Variants in CSMD1 observed in about 807,000 individuals in gnomAD.
The protein encoded by CSMD1 is CUB and sushi domain-containing protein 1.
CSMD1 carries 213 observed loss-of-function variants against 417.5 expected under a neutral mutation model. The ratio of observed to expected loss-of-function variants is 0.51; its 90% CI spans 0.46 to 0.57. CSMD1 has a LOEUF of 0.57. Ranked by LOEUF, CSMD1 falls within the 20% of genes least tolerant of loss-of-function variation. The probability of loss-of-function intolerance (pLI) is 0.00; values close to 1 mark genes in which losing one functional copy is unlikely to be tolerated. For missense variants in CSMD1, 6,923 were observed against 4,529.7 expected (o/e 1.53, Z -15.17); for synonymous variants, 2,862 against 1,736.8 (o/e 1.65, Z -16.11).
chr8:3,331,718 G>T (rs574418927), intron 23 of CSMD1, among the ~76,000 whole-genome samples: 2 of 152,136 alleles, frequency 1.3e-5, no homozygotes, highest in South Asian at 2.1e-4. Context: ...TTTCTCTTGC[G>T]TATGTACCTG....
At chr8:4,967,152 T>C (rs557114319) in intron 1 of CSMD1, among the ~76,000 whole-genome samples, 48 of 152,298 alleles carry the variant, frequency 3.2e-4, no homozygotes, top group African/African-American at 1.0e-3. Flanking sequence ...AGACTCCTTG[T>C]ATTCGGAAAA....
chr8:3,916,982 TG>T (rs1317335890), intron 5 of CSMD1, among the ~76,000 whole-genome samples: 3 of 152,242 alleles, frequency 2.0e-5, no homozygotes, highest in Non-Finnish European at 4.4e-5. Context: ...TGAGGCAAAA[TG>T]GTGAAACTCC....
intron 5 of CSMD1, among the ~76,000 whole-genome samples, chr8:3,872,873 G>A (rs1007799879): frequency 6.7e-6 from 1 of 150,190 alleles, no homozygotes; most frequent in African/African-American, 2.4e-5. Flanking sequence ...GAAAACAGCT[G>A]CATTAAAAAG....
chr8:4,684,943 C>G (rs376489562), intron 1 of CSMD1, among the ~76,000 whole-genome samples: 6 of 152,066 alleles, frequency 3.9e-5, no homozygotes, highest in African/African-American at 1.4e-4. Context: ...ACATTTGCTC[C>G]CAATTGCTGA....
At chr8:3,709,831 T>G (rs539962254) in intron 6 of CSMD1, among the ~76,000 whole-genome samples, 1 of 149,730 alleles carries the variant, frequency 6.7e-6, no homozygotes, top group Non-Finnish European at 1.5e-5. Context: ...CAGTTCCTTA[T>G]AGTAAATCTG....
At chr8:4,028,651 T>C (rs980261615) in intron 4 of CSMD1, among the ~76,000 whole-genome samples, 3 of 152,218 alleles carry the variant, frequency 2.0e-5, no homozygotes, top group East Asian at 1.9e-4. Context: ...GCCAGACTTG[T>C]GTTTGGGTCA....
intron 18 of CSMD1, among the ~76,000 whole-genome samples, chr8:3,375,505 T>C (rs945669659): frequency 2.0e-5 from 3 of 152,166 alleles, no homozygotes; most frequent in Non-Finnish European, 4.4e-5. Flanking sequence ...AGACTCTCCA[T>C]GCCCTACAGA....
intron 25 of CSMD1, among the ~76,000 whole-genome samples, chr8:3,293,202 G>C (rs1038609624): frequency 1.3e-5 from 2 of 152,144 alleles, no homozygotes; most frequent in South Asian, 2.1e-4. Flanking sequence ...TCCGCTGTTG[G>C]TCTGATGGGC....
rs78045398 is a variant in CSMD1 at position 3,747,226 on chromosome 8, G to A, written c.931+6704C>T. Among the ~76,000 whole-genome samples, 632 of 152,144 alleles carry A rather than the reference G, an allele frequency of 4.2e-3. 9 individuals are homozygous for A. Among genetic ancestry groups the A allele is most frequent in the Non-Finnish European group, 4.3e-3 (291 of 68,018 alleles). ...ACAGCCCTTAATCTCTCCATTTCTC[G>A]CATGAGAGTTGAAGCTTCTTTCTGT... is the stretch of plus-strand genomic sequence containing the variant. On this transcript the variant is annotated intron_variant, in intron 6 of 69. Coordinates refer to ENST00000635120, the MANE Select transcript of CSMD1 (RefSeq NM_033225.6).
intron 3 of CSMD1, among the ~76,000 whole-genome samples, chr8:4,368,264 G>C (rs570760653): frequency 6.6e-6 from 1 of 151,966 alleles, no homozygotes; most frequent in Non-Finnish European, 1.5e-5. Context: ...TGGCTTTTTT[G>C]TTCTGTGTAT....
chr8:3,408,027 A>T lies in CSMD1; in HGVS notation c.1943T>A (p.Ile648Lys). The T allele has an allele frequency of 6.2e-7, 1 of 1,614,000 alleles. No individual in the cohort carries two copies. The highest frequency in any genetic ancestry group is 8.5e-7 in the Non-Finnish European group (1 of 1,179,894). Residue 648 changes from isoleucine to lysine, a missense_variant, in exon 14 of 70, where the codon ATA (isoleucine) becomes AAA (lysine). Physicochemically the swap from Ile to Lys is moderately radical, Grantham distance 102. Coordinates refer to ENST00000635120, the MANE Select transcript of CSMD1 (RefSeq NM_033225.6). ...GCCAGAAAAAGTACCCAGGACAGTT[A>T]TGTCAGAAATGCCATCATCCTTGAC... ...LAVKDDGISD[I>K]TVLGTFSGNE...
intron 2 of CSMD1, among the ~76,000 whole-genome samples, chr8:4,468,348 C>A (rs1216055127): frequency 6.6e-6 from 1 of 152,126 alleles, no homozygotes; most frequent in African/African-American, 2.4e-5. Flanking sequence ...GGTGTTATCA[C>A]AAAACCTTTT....
intron 7 of CSMD1, among the ~76,000 whole-genome samples, chr8:3,682,684 A>G (rs1407867326): frequency 6.6e-6 from 1 of 152,236 alleles, no homozygotes; most frequent in African/African-American, 2.4e-5. Context: ...CAGCCATCCC[A>G]TTACTGGGTA....
chr8:3,792,391 C>A (rs1165281767), intron 5 of CSMD1, among the ~76,000 whole-genome samples: 1 of 152,160 alleles, frequency 6.6e-6, no homozygotes, highest in Non-Finnish European at 1.5e-5. Flanking sequence ...CTTCCTGCCT[C>A]ATTTCTTAAC....
At chr8:4,082,410 C>A (rs1345025197) in intron 3 of CSMD1, among the ~76,000 whole-genome samples, 1 of 151,964 alleles carries the variant, frequency 6.6e-6, no homozygotes, top group Admixed American at 6.6e-5. Context: ...ACAACAAAAC[C>A]CAGTATTTTA....
intron 6 of CSMD1, among the ~76,000 whole-genome samples, chr8:3,750,720 CA>C (rs1563339353): frequency 6.6e-6 from 1 of 152,076 alleles, no homozygotes. Flanking sequence ...ATCTTACTCG[CA>C]AAAAACCAGG....
chr8:4,681,402 TTCCCTCTTTCC>T, intron 1 of CSMD1, among the ~76,000 whole-genome samples: 1 of 152,330 alleles, frequency 6.6e-6, no homozygotes, highest in South Asian at 2.1e-4. Context: ...CAGTATCTAT[TTCCCTCTTTCC>T]ATCATCTTTA....
intron 7 of CSMD1, among the ~76,000 whole-genome samples, chr8:3,682,274 A>G (rs914885900): frequency 6.6e-6 from 1 of 152,154 alleles, no homozygotes; most frequent in East Asian, 1.9e-4. Context: ...ATGGGATAAA[A>G]TTTTTGCAAT....
At chr8:3,768,133 A>G (rs1798385957) in intron 5 of CSMD1, among the ~76,000 whole-genome samples, 1 of 150,850 alleles carries the variant, frequency 6.6e-6, no homozygotes, top group South Asian at 2.1e-4. Context: ...CAAAGATAGC[A>G]GAGAGGGGGT....
Sources: gnomAD v4.1 joint callset for allele counts (sites outside exome capture counted in the v4.1 genomes callset) on GRCh38, gnomAD v4.1.1 for gene constraint, MANE v1.5 for transcripts, NCBI Gene and HGNC (gene_info 2026-07-23, HGNC 2026-07-21) for gene names.